ZMYND8: variants seen among roughly 807,000 people sequenced by gnomAD.
ZMYND8 encodes MYND-type zinc finger-containing chromatin reader ZMYND8.
ZMYND8 carries 37 observed loss-of-function variants against 140.8 expected under a neutral mutation model. The ratio of observed to expected loss-of-function variants is 0.26; its 90% CI spans 0.20 to 0.35. The LOEUF (loss-of-function observed/expected upper bound fraction) is 0.35. Among genes scored for constraint, ZMYND8 ranks in the 10% least tolerant of loss-of-function variants. The pLI is 1.00. For missense variants in ZMYND8, 1,068 were observed against 1,570.0 expected, an observed-to-expected ratio of 0.68 and a Z score of 5.40; for synonymous variants, 592 against 597.1, an observed-to-expected ratio of 0.99 and a Z score of 0.12.
Position 47,289,798 on chromosome 20 carries a change from G to C in ZMYND8, c.748+389C>G, listed in dbSNP as rs540811964. On this transcript the variant is annotated intron_variant, in intron 7 of 22. Coordinates refer to ENST00000471951, the MANE Select transcript of ZMYND8 (RefSeq NM_001281775.3). ...TAACACAAAGCAGAAAGTGGTTCCT[G>C]TTGAGAGTGGGTTTCCTAGAAAATG... is the stretch of plus-strand genomic sequence containing the variant. 2.0e-5 allele frequency among the ~76,000 whole-genome samples: 3 copies of C among 152,362 alleles called. No individual in the cohort carries two copies. In the South Asian group the frequency reaches 6.2e-4, roughly 32 times the overall value.
Position 47,276,390 on chromosome 20 carries a change from C to G in ZMYND8, c.1404G>C (p.Gln468His). Reference protein sequence around the residue: ...SSVHTGSDVEQDAEKKATSSH... With the variant: ...SSVHTGSDVEHDAEKKATSSH... Reference sequence around the variant, plus strand: ...TCGACGTGGCCTTCTTCTCAGCATCCTGCTCCACGTCGGAGCCCGTGTGCA... The same window carrying G: ...TCGACGTGGCCTTCTTCTCAGCATCGTGCTCCACGTCGGAGCCCGTGTGCA... The change falls in exon 11 of 23, where the codon CAG becomes CAC. Residue 468 changes from glutamine to histidine, a missense_variant. By Grantham distance (24) the Gln-to-His change is conservative (BLOSUM62 0). Coordinates refer to ENST00000471951, the MANE Select transcript of ZMYND8 (RefSeq NM_001281775.3). The G allele has an allele frequency of 6.2e-7, 1 of 1,609,184 alleles. No homozygotes were observed. Among genetic ancestry groups the G allele is most frequent in the Non-Finnish European group, 8.5e-7 (1 of 1,175,938 alleles).
chr20:47,282,084 C>A lies in ZMYND8; in HGVS notation c.998+18G>T, dbSNP rs1157122847. ...TTCAGTGAAAGCTACATGTTCCAAGCCTGTTATTAACTCCCACCTGTCATG... is the reference window on the plus strand; with the variant it reads ...TTCAGTGAAAGCTACATGTTCCAAGACTGTTATTAACTCCCACCTGTCATG... On this transcript the variant is annotated intron_variant, in intron 10 of 22. Coordinates refer to ENST00000471951, the MANE Select transcript of ZMYND8 (RefSeq NM_001281775.3). The A allele has an allele frequency of 6.2e-7, 1 of 1,602,568 alleles. No individual in the cohort carries two copies. Among genetic ancestry groups the A allele is most frequent in the Non-Finnish European group, 8.5e-7 (1 of 1,172,440 alleles).
chr20:47,310,334 T>G, intron 2 of ZMYND8, 130 bp from the exon 3 acceptor site: 2 of 1,072,850 alleles, frequency 1.9e-6, no homozygotes, highest in Non-Finnish European at 2.6e-6. Flanking sequence ...GCCACTTCAG[T>G]GTTCCTCCTC....
intron 17 of ZMYND8, among the ~76,000 whole-genome samples, chr20:47,228,598 G>A (rs1402477382): frequency 6.6e-6 from 1 of 152,142 alleles, no homozygotes; most frequent in Non-Finnish European, 1.5e-5. Flanking sequence ...AATCATAAAG[G>A]TCATACTTGC....
In ZMYND8 at chr20:47,320,948, T is replaced by C. The variant is rs559483723; in HGVS notation, c.86-10744A>G. Among the ~76,000 whole-genome samples, 37 of 152,270 alleles carry C rather than the reference T, an allele frequency of 2.4e-4. 1 individual carries two copies. Among genetic ancestry groups the C allele is most frequent in the African/African-American group, 6.3e-4 (26 of 41,570 alleles). ...GAATAAAGATGGAATCCCGTCTGCA[T>C]AGACGGGCATGGTCCAAAATCCAAG... is the stretch of plus-strand genomic sequence containing the variant. On this transcript the variant is annotated intron_variant, in intron 2 of 22. Transcript: ENST00000471951.
rs1372189658 is a variant in ZMYND8, at chr20:47,294,658, C to T, written c.567+8G>A. On this transcript the variant is annotated splice_region_variant and intron_variant, in intron 5 of 22. Coordinates refer to ENST00000471951, the MANE Select transcript of ZMYND8 (RefSeq NM_001281775.3). ...TTACGCGTATACCAAGAGGAACTTT[C>T]TTCTTACCCCTGGCTGTTTCATTTT... The T allele has an allele frequency of 6.2e-7, 1 of 1,612,976 alleles. No individual in the cohort carries two copies.
intron 10 of ZMYND8, among the ~76,000 whole-genome samples, chr20:47,277,211 T>C (rs2076308081): frequency 6.6e-6 from 1 of 152,240 alleles, no homozygotes; most frequent in South Asian, 2.1e-4. Flanking sequence ...GAAGGAAACT[T>C]TGGAATACTG....
chr20:47,280,450 A>G (rs958702494), intron 10 of ZMYND8, among the ~76,000 whole-genome samples: 1 of 152,164 alleles, frequency 6.6e-6, no homozygotes, highest in Non-Finnish European at 1.5e-5. Flanking sequence ...CTGCACACAG[A>G]GCTGGCCAAC....
intron 12 of ZMYND8, among the ~76,000 whole-genome samples, chr20:47,256,266 G>T (rs2074707307): frequency 6.7e-6 from 1 of 149,052 alleles, no homozygotes; most frequent in Non-Finnish European, 1.5e-5. Flanking sequence ...GACTGCTTGA[G>T]GCCAGAAGTT....
chr20:47,232,801 C>T (rs2038687579), intron 16 of ZMYND8, among the ~76,000 whole-genome samples: 1 of 152,160 alleles, frequency 6.6e-6, no homozygotes, highest in Non-Finnish European at 1.5e-5. Flanking sequence ...GCTTTCAATT[C>T]TCTAATAATC....
At chr20:47,270,373 C>CAA (rs10659368) in intron 11 of ZMYND8, among the ~76,000 whole-genome samples, 159 of 46,232 alleles carry the variant, frequency 3.4e-3, no homozygotes, top group African/African-American at 6.2e-3. Context: ...AACTCCATCT[C>CAA]AAAAAAAAAA....
intron 10 of ZMYND8, among the ~76,000 whole-genome samples, chr20:47,280,410 A>C (rs1367889223): frequency 6.6e-6 from 1 of 152,150 alleles, no homozygotes; most frequent in Non-Finnish European, 1.5e-5. Context: ...ACCAAGACCT[A>C]AACACACAAA....
intron 2 of ZMYND8, among the ~76,000 whole-genome samples, chr20:47,326,384 G>A (rs1192861085): frequency 6.6e-6 from 1 of 152,232 alleles, no homozygotes; most frequent in East Asian, 1.9e-4. Flanking sequence ...TTCCAGGCGT[G>A]AGCCACCATG....
intron 10 of ZMYND8, among the ~76,000 whole-genome samples, chr20:47,279,175 C>A (rs2076443273): frequency 6.6e-6 from 1 of 152,082 alleles, no homozygotes. Context: ...TCTTTTCTTT[C>A]AAACAAGTCC....
intron 20 of ZMYND8, among the ~76,000 whole-genome samples, chr20:47,220,912 A>T (rs2036847162): frequency 6.6e-6 from 1 of 152,340 alleles, no homozygotes; most frequent in South Asian, 2.1e-4. Flanking sequence ...GCCACTAGCC[A>T]CATGTGGCTA....
intron 10 of ZMYND8, among the ~76,000 whole-genome samples, chr20:47,278,582 C>T (rs746988921): frequency 5.3e-5 from 8 of 151,462 alleles, no homozygotes; most frequent in Non-Finnish European, 1.2e-4. Context: ...TCCCTGGGAC[C>T]GAATTCACAA....
intron 16 of ZMYND8, among the ~76,000 whole-genome samples, chr20:47,234,412 G>A (rs999849426): frequency 2.6e-5 from 4 of 152,254 alleles, no homozygotes; most frequent in Non-Finnish European, 5.9e-5. Flanking sequence ...AGGGAACTGA[G>A]GGTGGCCCAG....
At chr20:47,302,413 C>T (rs528464465) in intron 3 of ZMYND8, among the ~76,000 whole-genome samples, 1 of 152,274 alleles carries the variant, frequency 6.6e-6, no homozygotes, top group African/African-American at 2.4e-5. Flanking sequence ...GCCAAGATTA[C>T]ACCACTGCAC....
rs1555948705 is a variant in ZMYND8 at position 47,265,068 on chromosome 20, A to ATG, written c.1481-2641_1481-2640insCA. Among the ~76,000 whole-genome samples, 200 of 144,574 alleles carry ATG rather than the reference A, an allele frequency of 1.4e-3. 5 individuals carry two copies. The highest frequency in any genetic ancestry group is 4.8e-3 in the African/African-American group (193 of 40,174). The allele number at this position is 144,574 out of a possible 152,430, so 94.8% of individuals were successfully genotyped here. Reference sequence around the variant, plus strand: ...AATATATATACATATATATATATATAGGCATTTTAACGGAAGTATTACCAA... The same window carrying ATG: ...AATATATATACATATATATATATATATGGGCATTTTAACGGAAGTATTACCAA... On this transcript the variant is annotated intron_variant, in intron 11 of 22. Transcript: ENST00000471951.
Sources: allele counts gnomAD v4.1 joint callset (sites outside exome capture counted in the v4.1 genomes callset), GRCh38; gene constraint gnomAD v4.1.1; transcripts MANE v1.5; gene names NCBI Gene and HGNC (gene_info 2026-07-23, HGNC 2026-07-21).